GBE1: variants seen among roughly 807,000 people sequenced by gnomAD.
The protein encoded by GBE1 is 1,4-alpha-glucan-branching enzyme.
GBE1 carries 70 observed loss-of-function variants against 88.8 expected under a neutral mutation model. That is an observed-to-expected ratio of 0.79 (90% CI 0.65 to 0.96). The LOEUF (loss-of-function observed/expected upper bound fraction) is 0.96. Among genes scored for constraint, GBE1 ranks in the 40% least tolerant of loss-of-function variants. GBE1 has a pLI of 0.00. For synonymous variants in GBE1, 284 were observed against 300.1 expected, an observed-to-expected ratio of 0.95 and a Z score of 0.56; for missense variants, 872 against 871.0, an observed-to-expected ratio of 1.00 and a Z score of -0.01.
At chr3:81,621,740 A>G (rs2107014398) in intron 7 of GBE1, among the ~76,000 whole-genome samples, 1 of 152,328 alleles carries the variant, frequency 6.6e-6, no homozygotes, top group East Asian at 1.9e-4. Context: ...TCCCTAAGGA[A>G]TCCTATCACA....
chr3:81,606,811 A>G (rs1213167343), intron 7 of GBE1, among the ~76,000 whole-genome samples: 1 of 152,190 alleles, frequency 6.6e-6, no homozygotes, highest in Non-Finnish European at 1.5e-5. Flanking sequence ...ATGTGACACT[A>G]TGATCATTTC....
At chr3:81,692,433 G>A (rs1056062419) in intron 2 of GBE1, among the ~76,000 whole-genome samples, 1 of 152,124 alleles carries the variant, frequency 6.6e-6, no homozygotes, top group Non-Finnish European at 1.5e-5. Flanking sequence ...TATGAATAAG[G>A]ACCTACCCCA....
At chr3:81,723,445 C>G (rs1461372619) in intron 1 of GBE1, among the ~76,000 whole-genome samples, 1 of 151,664 alleles carries the variant, frequency 6.6e-6, no homozygotes. Flanking sequence ...ATCAAAGATG[C>G]CATATTTAAA....
Position 81,649,331 on chromosome 3 carries a change from G to T in GBE1, c.556-340C>A, listed in dbSNP as rs545692054. ...ATCAACAAACTCCAATGATTTAAAAGACAGAAAGTGAGTTCAAACAATCAC... is the reference window on the plus strand; with the variant it reads ...ATCAACAAACTCCAATGATTTAAAATACAGAAAGTGAGTTCAAACAATCAC... On this transcript the variant is annotated intron_variant, in intron 4 of 15. Coordinates refer to ENST00000429644, the MANE Select transcript of GBE1 (RefSeq NM_000158.4). Among the ~76,000 whole-genome samples, 25 of 152,004 alleles carry T rather than the reference G, an allele frequency of 1.6e-4. No homozygotes were observed. The South Asian group carries it at 5.2e-3, about 32-fold the overall frequency.
At chr3:81,694,371 G>T (rs1196970740) in intron 2 of GBE1, among the ~76,000 whole-genome samples, 1 of 152,080 alleles carries the variant, frequency 6.6e-6, no homozygotes, top group Non-Finnish European at 1.5e-5. Flanking sequence ...AAGAAAGTAG[G>T]GGTCACTTAG....
chr3:81,557,163 T>A lies in GBE1; in HGVS notation c.1619-20068A>T, dbSNP rs144311501. Among the ~76,000 whole-genome samples the A allele has an allele frequency of 1.1e-4, 16 of 152,158 alleles. No homozygotes were observed. In the East Asian group the frequency reaches 2.5e-3, roughly 24 times the overall value. ...ACAGACTGGCTCCAAAGCTGAACTTTTAACCATTAATTTTTGCTGTCCCAA... is the reference window on the plus strand; with the variant it reads ...ACAGACTGGCTCCAAAGCTGAACTTATAACCATTAATTTTTGCTGTCCCAA... On this transcript the variant is annotated intron_variant, in intron 12 of 15. Transcript: ENST00000429644.
chr3:81,611,471 G>T (rs541099510), intron 7 of GBE1, among the ~76,000 whole-genome samples: 4 of 152,170 alleles, frequency 2.6e-5, no homozygotes, highest in African/African-American at 9.7e-5. Context: ...AAAGGCACAC[G>T]ATGTAGAAAA....
At chr3:81,535,136 T>A in intron 14 of GBE1, 59 bp downstream of exon 14, 1 of 1,369,578 alleles carries the variant, frequency 7.3e-7, no homozygotes, top group Non-Finnish European at 9.8e-7. Flanking sequence ...TTTTTTGTCC[T>A]ATAATGTAAT....
intron 12 of GBE1, among the ~76,000 whole-genome samples, chr3:81,547,986 CT>C (rs1302364630): frequency 6.6e-6 from 1 of 151,310 alleles, no homozygotes; most frequent in Non-Finnish European, 1.5e-5. Context: ...GGGAGATGAC[CT>C]TTTAACCACA....
chr3:81,674,301 T>TA (rs1447132717), intron 2 of GBE1, among the ~76,000 whole-genome samples: 1 of 151,970 alleles, frequency 6.6e-6, no homozygotes, highest in African/African-American at 2.4e-5. Flanking sequence ...TCAAAATATC[T>TA]AATAAAAACA....
In GBE1 at chr3:81,705,441, T is replaced by A. The variant is rs769561659; in HGVS notation, c.313+3A>T. ...ATTTAGTTCAATGCTTTCAAGTACT[T>A]ACTAAAATCTCCAGTAAGAAAAACT... On this transcript the variant is annotated splice_donor_region_variant and intron_variant, in intron 2 of 15. Transcript: ENST00000429644. 1 of 1,573,906 alleles carries A rather than the reference T, an allele frequency of 6.4e-7. No homozygotes were observed. The highest frequency in any genetic ancestry group is 8.6e-7 in the Non-Finnish European group (1 of 1,161,874).
At chr3:81,656,586 T>G (rs1346127021) in intron 3 of GBE1, among the ~76,000 whole-genome samples, 1 of 152,070 alleles carries the variant, frequency 6.6e-6, no homozygotes, top group Non-Finnish European at 1.5e-5. Flanking sequence ...TAAGGGAAAA[T>G]TTGGAAACAA....
chr3:81,678,686 G>A (rs1358033026), intron 2 of GBE1, among the ~76,000 whole-genome samples: 1 of 152,066 alleles, frequency 6.6e-6, no homozygotes, highest in African/African-American at 2.4e-5. Flanking sequence ...AAAATGCACA[G>A]ATTAGTAGTC....
intron 7 of GBE1, among the ~76,000 whole-genome samples, chr3:81,605,924 C>T (rs1452445091): frequency 1.3e-5 from 2 of 152,118 alleles, no homozygotes; most frequent in Non-Finnish European, 2.9e-5. Flanking sequence ...CTCATTTTAC[C>T]ACTGTTAGTA....
intron 7 of GBE1, chr3:81,612,228 A>AAAC (rs1388641932): frequency 2.1e-6 from 1 of 472,692 alleles, no homozygotes; most frequent in East Asian, 6.2e-5. Flanking sequence ...TTTAAAAAAA[A>AAAC]AAAAAAAAAA....
chr3:81,698,048 T>C (rs2107156608), intron 2 of GBE1, among the ~76,000 whole-genome samples: 1 of 147,382 alleles, frequency 6.8e-6, no homozygotes, highest in African/African-American at 2.5e-5. Context: ...TATATATTAG[T>C]TTTATATATA....
At chr3:81,679,013 A>G (rs1705301366) in intron 2 of GBE1, among the ~76,000 whole-genome samples, 1 of 152,152 alleles carries the variant, frequency 6.6e-6, no homozygotes, top group East Asian at 1.9e-4. Flanking sequence ...TTTGGTTTAA[A>G]TTATGAAAAG....
chr3:81,519,112 G>C (rs977685658), intron 14 of GBE1, among the ~76,000 whole-genome samples: 5 of 151,518 alleles, frequency 3.3e-5, no homozygotes, highest in Non-Finnish European at 7.4e-5. Context: ...ACACTTCAAA[G>C]CCTTCTGTAA....
chr3:81,750,362 T>C (rs886143529), intron 1 of GBE1, among the ~76,000 whole-genome samples: 3 of 151,190 alleles, frequency 2.0e-5, no homozygotes, highest in African/African-American at 4.9e-5. Flanking sequence ...TTTAAAGACT[T>C]AGCATAAATT....
Sources: gnomAD v4.1 joint callset for allele counts (sites outside exome capture counted in the v4.1 genomes callset) on GRCh38, gnomAD v4.1.1 for gene constraint, MANE v1.5 for transcripts, NCBI Gene and HGNC (gene_info 2026-07-23, HGNC 2026-07-21) for gene names.